Variants in PLSCR3 observed in about 807,000 individuals in gnomAD.
The protein encoded by PLSCR3 is PL scramblase 3.
Under a neutral mutation model 33.7 loss-of-function variants are expected in PLSCR3, and 17 were observed. The observed-to-expected ratio is 0.50, with a 90% CI of 0.35 to 0.76. The LOEUF is 0.76. Ranked by LOEUF, PLSCR3 falls within the 30% of genes least tolerant of loss-of-function variation. The pLI is 0.01. For missense variants in PLSCR3, 360 were observed against 394.1 expected (o/e 0.91, Z 0.73); for synonymous variants, 166 against 166.0 (o/e 1.00, Z 0.00).
At position 7,390,280 on chromosome 17, in the gene PLSCR3, C is replaced by T; in HGVS notation, c.*105G>A. The T allele has an allele frequency of 2.2e-6, 2 of 902,696 alleles. No homozygotes were observed. Among genetic ancestry groups the T allele is most frequent in the Non-Finnish European group, 1.7e-6 (1 of 598,844 alleles). 55.9% of individuals were successfully genotyped at this position (902,696 alleles called of 1,614,324 possible). A position where few individuals can be genotyped will look rare whatever the true frequency, so the allele number is the denominator to read the frequency against. ...TAGGGATGGGGCCCCCCTTCTGTCC[C>T]CTGCAGTGTACATGGAGGAAAGGGG... On this transcript the variant is annotated 3_prime_UTR_variant, in exon 8 of 8. Transcript: ENST00000619711.
In PLSCR3 at chr17:7,394,122, T is replaced by C. The variant is rs776150555; in HGVS notation, c.-12A>G. ...CACTTACCTGCCATGGGAGAAGGGC[T>C]GGGGTTTTCGAGATGATGGTGTCTG... On this transcript the variant is annotated 5_prime_UTR_variant, in exon 2 of 8. Coordinates refer to ENST00000619711, the MANE Select transcript of PLSCR3 (RefSeq NM_020360.4). The surrounding 1 kb of genome is among the most constrained non-coding windows in gnomAD (Gnocchi z 5.3). 3.1e-6 allele frequency: 5 copies of C among 1,612,792 alleles called. No individual in the cohort carries two copies. In the African/African-American group the frequency reaches 6.7e-5, roughly 22 times the overall value.
rs1188093324 is a variant in PLSCR3 at position 7,391,620 on chromosome 17, G to A, written c.670-825C>T. 6.6e-6 allele frequency among the ~76,000 whole-genome samples: 1 copy of A among 152,164 alleles called. No homozygotes were observed. The highest frequency in any genetic ancestry group is 1.9e-4 in the East Asian group (1 of 5,202). On this transcript the variant is annotated intron_variant, in intron 6 of 7. Coordinates refer to ENST00000619711, the MANE Select transcript of PLSCR3 (RefSeq NM_020360.4). The surrounding 1 kb of genome is among the most constrained non-coding windows in gnomAD (Gnocchi z 4.1). ...GGGCACTTCCTGCCATGGTCCTAAG[G>A]GTACAGCCCCAAGTATGGACCATTT...
rs1378708931 is a variant in PLSCR3 at position 7,393,711 on chromosome 17, G to C, written c.133C>G (p.Pro45Ala). 1 of 1,547,314 alleles carries C rather than the reference G, an allele frequency of 6.5e-7. No individual in the cohort carries two copies. Among genetic ancestry groups the C allele is most frequent in the South Asian group, 1.2e-5 (1 of 85,512 alleles). Residue 45 changes from proline to alanine, a missense_variant, in exon 3 of 8, where the codon CCA (proline) becomes GCA (alanine). Physicochemically the swap from Pro to Ala is conservative, Grantham distance 27. Coordinates refer to ENST00000619711, the MANE Select transcript of PLSCR3 (RefSeq NM_020360.4). ...QAPVPAQVPA[P>A]APGFALFPSP... is the part of the protein sequence containing the mutation. ...GGGAAGAGGGCGAAGCCGGGAGCTG[G>C]GGCAGGTACCTGGGCGGGCACTGGC...
Position 7,393,763 on chromosome 17 carries a change from C to T in PLSCR3, c.81G>A (p.Pro27=). 2.0e-6 allele frequency: 3 copies of T among 1,508,260 alleles called. No homozygotes were observed. Among genetic ancestry groups the T allele is most frequent in the Non-Finnish European group, 2.6e-6 (3 of 1,140,320 alleles). 93.4% of individuals were successfully genotyped at this position (1,508,260 alleles called of 1,614,324 possible). A position where few individuals can be genotyped will look rare whatever the true frequency, so the allele number is the denominator to read the frequency against. Residue 27 remains proline, a synonymous_variant, in exon 3 of 8, where the codon CCG becomes CCA. Coordinates refer to ENST00000619711, the MANE Select transcript of PLSCR3 (RefSeq NM_020360.4). ...PYPVTPGYPE[P]ALHPGPGQAP... ...CCTGCCCGGGCCCAGGATGTAGCGCCGGCTCCGGGTACCCAGGGGTGACAG... is the reference window on the plus strand; with the variant it reads ...CCTGCCCGGGCCCAGGATGTAGCGCTGGCTCCGGGTACCCAGGGGTGACAG...
In PLSCR3 at chr17:7,390,679, C is replaced by G. The variant is rs773115794; in HGVS notation, c.786G>C (p.Leu262=). Residue 262 remains leucine, a synonymous_variant, in exon 7 of 8, where the codon CTG becomes CTC. Coordinates refer to ENST00000619711, the MANE Select transcript of PLSCR3 (RefSeq NM_020360.4). ...GCAGCACAGCCTTCACCCTCACATC[C>G]AGGTCCAGCGGGAACTGTAGGCCAA... is the stretch of plus-strand genomic sequence containing the variant. ...DDFGLQFPLD[L]DVRVKAVLLG... is the part of the protein sequence containing the mutation. 50 of 1,614,042 alleles carry G rather than the reference C, an allele frequency of 3.1e-5. No homozygotes were observed. The highest frequency in any genetic ancestry group is 4.2e-5 in the Non-Finnish European group (50 of 1,180,006).
Position 7,393,650 on chromosome 17 carries a change from G to A in PLSCR3, c.194C>T (p.Pro65Leu), listed in dbSNP as rs748255530. 8 of 1,609,484 alleles carry A rather than the reference G, an allele frequency of 5.0e-6. No individual in the cohort carries two copies. The East Asian group carries it at 6.7e-5, about 13-fold the overall frequency. ...AGGCACCCCTGGCAGTGGCAAGAAG[G>A]GGGCAGCAGACCCCAAGGCCACGGG... ...PGPVALGSAA[P>L]FLPLPGVPSG... Residue 65 changes from proline to leucine, a missense_variant, in exon 3 of 8, where the codon CCC (proline) becomes CTC (leucine). Physicochemically the swap from Pro to Leu is moderately conservative, Grantham distance 98. Coordinates refer to ENST00000619711, the MANE Select transcript of PLSCR3 (RefSeq NM_020360.4).
Position 7,392,911 on chromosome 17 carries a change from C to T in PLSCR3, c.549G>A (p.Val183=). The change falls in exon 6 of 8, where the codon GTG becomes GTA. Residue 183 remains valine (V), a synonymous_variant. Transcript: ENST00000619711. ...GGAGGAAGGGATGCCAGGTCTGTAGCACGTGGCCAATGGTGGTGCCTGGTG... is the reference window on the plus strand; with the variant it reads ...GGAGGAAGGGATGCCAGGTCTGTAGTACGTGGCCAATGGTGGTGCCTGGTG... ...QAPPGTTIGH[V]LQTWHPFLPK... is the part of the protein sequence containing the mutation. 1 of 1,614,030 alleles carries T rather than the reference C, an allele frequency of 6.2e-7. No homozygotes were observed. The highest frequency in any genetic ancestry group is 8.5e-7 in the Non-Finnish European group (1 of 1,179,954).
intron 6 of PLSCR3, among the ~76,000 whole-genome samples, chr17:7,392,431 G>A (rs1224306179): frequency 6.6e-6 from 1 of 152,166 alleles, no homozygotes; most frequent in Non-Finnish European, 1.5e-5. Flanking sequence ...TGTTAAAATC[G>A]TGCTTGCTCC....
At position 7,390,204 on chromosome 17, in the gene PLSCR3, C is replaced by T; in HGVS notation, c.*181G>A. On this transcript the variant is annotated 3_prime_UTR_variant, in exon 8 of 8. Coordinates refer to ENST00000619711, the MANE Select transcript of PLSCR3 (RefSeq NM_020360.4). The stretch of plus-strand genomic sequence containing the variant: ...TGGGAGGTAGCAGGAGAGCGGCTCT[C>T]ATACATACCCCTCCTTGGGAACCAC... 5.3e-6 allele frequency: 3 copies of T among 562,240 alleles called. No homozygotes were observed. Among genetic ancestry groups the T allele is most frequent in the Admixed American group, 3.2e-5 (1 of 31,038 alleles). The allele number at this position is 562,240 out of a possible 1,614,324, so 34.8% of individuals were successfully genotyped here. A position where few individuals can be genotyped will look rare whatever the true frequency, so the allele number is the denominator to read the frequency against.
Position 7,393,619 on chromosome 17 carries a change from G to T in PLSCR3, c.225C>A (p.Gly75=). ...PFLPLPGVPS[G]LEFLVQIDQI... ...CACTCACCTGCACCAGGAATTCGAG[G>T]CCAGAAGGCACCCCTGGCAGTGGCA... Residue 75 remains glycine, a synonymous_variant, in exon 3 of 8, where the codon GGC becomes GGA. Coordinates refer to ENST00000619711, the MANE Select transcript of PLSCR3 (RefSeq NM_020360.4). 1 of 1,612,502 alleles carries T rather than the reference G, an allele frequency of 6.2e-7. No individual in the cohort carries two copies.
rs746555256 is a variant in PLSCR3 at position 7,393,354 on chromosome 17, G to C, written c.297C>G (p.Gly99=). The C allele has an allele frequency of 6.2e-6, 10 of 1,613,318 alleles. No homozygotes were observed. The highest frequency in any genetic ancestry group is 6.8e-6 in the Non-Finnish European group (8 of 1,179,970). The change falls in exon 5 of 8, where the codon GGC becomes GGG. Residue 99 remains glycine, a synonymous_variant. Transcript: ENST00000619711. ...GTTCATACCGATTACAGGTCTCCCA[G>C]CCTAGGAACGCTGCCCGAGGTGACA... The part of the protein sequence containing the change: ...QKAERVETFL[G]WETCNRYELR...
chr17:7,392,701 A>T, intron 6 of PLSCR3, 90 bp downstream of exon 6: 1 of 1,248,714 alleles, frequency 8.0e-7, no homozygotes. Context: ...TGATGAGCTC[A>T]GGGTCTTGAC....
chr17:7,393,372 A>C lies in PLSCR3; in HGVS notation c.287-8T>G. 6.2e-7 allele frequency: 1 copy of C among 1,613,548 alleles called. No homozygotes were observed. Among genetic ancestry groups the C allele is most frequent in the African/African-American group, 1.3e-5 (1 of 75,004 alleles). On this transcript the variant is annotated splice_polypyrimidine_tract_variant and splice_region_variant and intron_variant, in intron 4 of 7. Transcript: ENST00000619711. ...TCTCCCAGCCTAGGAACGCTGCCCG[A>C]GGTGACACGGGGAGACTCGTAGAGC...
chr17:7,390,561 G>T, intron 7 of PLSCR3, 73 bp downstream of exon 7: 2 of 1,588,964 alleles, frequency 1.3e-6, no homozygotes, highest in Non-Finnish European at 1.7e-6. Context: ...CTAGCAAGAG[G>T]CCAGGAAATG....
intron 6 of PLSCR3, 76 bp downstream of exon 6, chr17:7,392,715 A>C (rs1470574914): frequency 7.2e-7 from 1 of 1,390,630 alleles, no homozygotes; most frequent in East Asian, 2.3e-5. Flanking sequence ...TCTTGACCTT[A>C]ATGTTAACTA....
intron 6 of PLSCR3, among the ~76,000 whole-genome samples, chr17:7,392,485 C>T (rs979316047): frequency 1.3e-5 from 2 of 152,192 alleles, no homozygotes; most frequent in African/African-American, 4.8e-5. Context: ...CACATGGGCC[C>T]GGCCCACACA....
At chr17:7,392,389 A>G (rs1905779837) in intron 6 of PLSCR3, among the ~76,000 whole-genome samples, 1 of 152,152 alleles carries the variant, frequency 6.6e-6, no homozygotes, top group Non-Finnish European at 1.5e-5. Context: ...TTTGGATTCT[A>G]TTTTAGCAGG....
At position 7,394,053 on chromosome 17, in the gene PLSCR3, C is replaced by T; in HGVS notation, c.7+51G>A. ...CGGGAGGATGTGTTCAAACCCGGCT[C>T]CCAAGTCCGTGGGGGGGATAACGGA... On this transcript the variant is annotated intron_variant, in intron 2 of 7. Transcript: ENST00000619711. This position sits in a 1 kb window ranked among gnomAD's most constrained non-coding sequence, Gnocchi z 5.3. 2 of 1,601,020 alleles carry T rather than the reference C, an allele frequency of 1.2e-6. No individual in the cohort carries two copies. The highest frequency in any genetic ancestry group is 8.5e-7 in the Non-Finnish European group (1 of 1,172,414).
At chr17:7,393,930 CG>C in intron 2 of PLSCR3, 94 bp from the exon 3 acceptor site, 1 of 1,103,610 alleles carries the variant, frequency 9.1e-7, no homozygotes, top group South Asian at 1.4e-5. Flanking sequence ...TCGGGGGAAA[CG>C]TGGTGGCAAG....
Sources: gnomAD v4.1 joint callset for allele counts (sites outside exome capture counted in the v4.1 genomes callset) on GRCh38, gnomAD v4.1.1 for gene constraint, Gnocchi (gnomAD v3.1) non-coding constraint, MANE v1.5 for transcripts, NCBI Gene and HGNC (gene_info 2026-07-23, HGNC 2026-07-21) for gene names.